CTXND2: variants seen among roughly 807,000 people sequenced by gnomAD.
CTXND2 encodes the protein cortexin domain containing 2.
chr1:150,902,894 G>A (rs868147684), intron 1 of CTXND2, among the ~76,000 whole-genome samples: 15 of 151,920 alleles, frequency 9.9e-5, no homozygotes, highest in African/African-American at 3.6e-4. Flanking sequence ...GAGTACAGAG[G>A]GAAAATACCA....
chr1:150,903,305 T>C (rs1669076001), intron 1 of CTXND2, among the ~76,000 whole-genome samples: 1 of 152,012 alleles, frequency 6.6e-6, no homozygotes, highest in African/African-American at 2.4e-5. Context: ...TATAAGTACT[T>C]TTGTGCATGA....
chr1:150,893,629 T>A (rs1668879207), intron 1 of CTXND2, among the ~76,000 whole-genome samples: 1 of 152,132 alleles, frequency 6.6e-6, no homozygotes, highest in South Asian at 2.1e-4. Flanking sequence ...TGGCTAATTT[T>A]TAAATTTTTT....
intron 1 of CTXND2, among the ~76,000 whole-genome samples, chr1:150,888,078 T>A (rs1230459062): frequency 1.3e-5 from 2 of 149,600 alleles, no homozygotes; most frequent in East Asian, 3.9e-4. Context: ...TTAAAAAAAA[T>A]TCTAAGACAG....
chr1:150,901,220 C>G (rs2102599314), intron 1 of CTXND2, among the ~76,000 whole-genome samples: 1 of 152,238 alleles, frequency 6.6e-6, no homozygotes, highest in East Asian at 1.9e-4. Flanking sequence ...TTGGAAGCTA[C>G]AAAACATTGT....
intron 1 of CTXND2, among the ~76,000 whole-genome samples, chr1:150,907,127 C>T (rs1294918927): frequency 1.3e-5 from 2 of 152,140 alleles, no homozygotes; most frequent in African/African-American, 4.8e-5. Flanking sequence ...ACTCTAAATC[C>T]TCTATAAGAT....
intron 1 of CTXND2, among the ~76,000 whole-genome samples, chr1:150,900,217 AG>A (rs1213127914): frequency 1.3e-5 from 2 of 152,102 alleles, no homozygotes; most frequent in Non-Finnish European, 2.9e-5. Flanking sequence ...GAAGGTCTGT[AG>A]CTTCACTCCT....
chr1:150,905,448 A>G (rs1669125392), intron 1 of CTXND2, among the ~76,000 whole-genome samples: 1 of 152,090 alleles, frequency 6.6e-6, no homozygotes, highest in South Asian at 2.1e-4. Flanking sequence ...ACCCGGCCTT[A>G]TCTGCCCATT....
At position 150,903,947 on chromosome 1, in the gene CTXND2, T is replaced by C. The variant is rs1669089950; in HGVS notation, c.-73-8295T>C. 7 of 649,430 alleles carry C rather than the reference T, an allele frequency of 1.1e-5. No individual in the cohort carries two copies. In the Admixed American group the frequency reaches 1.3e-4, roughly 12 times the overall value. The allele number at this position is 649,430 out of a possible 1,614,324, so 40.2% of individuals were successfully genotyped here. The stretch of plus-strand genomic sequence containing the variant: ...GATTTTTGTTCAGAAGTGTGCCCAG[T>C]GTCACACCGTGGAAAAGGGAGGCAA... On this transcript the variant is annotated intron_variant, in intron 1 of 1. Transcript: ENST00000636087.
At chr1:150,911,026 G>T (rs928268325) in intron 1 of CTXND2, among the ~76,000 whole-genome samples, 1 of 151,804 alleles carries the variant, frequency 6.6e-6, no homozygotes, top group Non-Finnish European at 1.5e-5. Flanking sequence ...GGATGGTCTC[G>T]ATCTCCTGAC....
exon 2 of CTXND2, chr1:150,913,190 C>T (rs1309374081): frequency 6.6e-6 from 1 of 152,214 alleles, no homozygotes; most frequent in East Asian, 1.9e-4. Context: ...TCCAATGACT[C>T]CCCTAGAGAT....
At chr1:150,900,847 C>G (rs587689347) in intron 1 of CTXND2, among the ~76,000 whole-genome samples, 3 of 152,196 alleles carry the variant, frequency 2.0e-5, no homozygotes, top group East Asian at 3.9e-4. Context: ...AAAAACAATT[C>G]GAGACTGGGC....
At position 150,901,280 on chromosome 1, in the gene CTXND2, C is replaced by T. The variant is rs12076678; in HGVS notation, c.-73-10962C>T. On this transcript the variant is annotated intron_variant, in intron 1 of 1. Transcript: ENST00000636087. ...CAAATGGAAAGATACACCATGTTCACGGATCAGAAGACTTAACATTGTTAA... is the reference window on the plus strand; with the variant it reads ...CAAATGGAAAGATACACCATGTTCATGGATCAGAAGACTTAACATTGTTAA... Among the ~76,000 whole-genome samples the T allele has an allele frequency of 2.2e-4, 33 of 152,162 alleles. 1 individual carries two copies. Among genetic ancestry groups the T allele is most frequent in the East Asian group, 9.6e-4 (5 of 5,206 alleles).
chr1:150,905,661 T>G (rs927078102), intron 1 of CTXND2, among the ~76,000 whole-genome samples: 3 of 152,034 alleles, frequency 2.0e-5, no homozygotes, highest in African/African-American at 7.2e-5. Context: ...CAATCGTATA[T>G]CCACCAACTC....
intron 1 of CTXND2, among the ~76,000 whole-genome samples, chr1:150,909,287 C>T (rs1669207765): frequency 6.7e-6 from 1 of 149,876 alleles, no homozygotes; most frequent in Non-Finnish European, 1.5e-5. Context: ...CACAGTAGCT[C>T]ATACAATCCT....
chr1:150,901,330 C>T (rs766856650), intron 1 of CTXND2, among the ~76,000 whole-genome samples: 2 of 152,136 alleles, frequency 1.3e-5, no homozygotes, highest in African/African-American at 4.8e-5. Flanking sequence ...CTAAATTGCT[C>T]TATAGATAGA....
chr1:150,899,252 T>C (rs1047915931), intron 1 of CTXND2, among the ~76,000 whole-genome samples: 2 of 151,954 alleles, frequency 1.3e-5, no homozygotes, highest in Admixed American at 6.6e-5. Flanking sequence ...CTGGGTAACA[T>C]AGCAAGACCC....
intron 1 of CTXND2, among the ~76,000 whole-genome samples, chr1:150,908,017 T>C (rs1199225834): frequency 4.6e-5 from 7 of 151,200 alleles, no homozygotes; most frequent in Admixed American, 2.0e-4. Flanking sequence ...CCAGCTTTTT[T>C]TTTTTTTTTT....
chr1:150,897,660 C>A (rs1045889118), intron 1 of CTXND2, among the ~76,000 whole-genome samples: 6 of 152,198 alleles, frequency 3.9e-5, no homozygotes, highest in African/African-American at 1.4e-4. Flanking sequence ...AGTGAGAAAT[C>A]ACTGCAATTT....
chr1:150,892,155 T>C (rs1668859404), intron 1 of CTXND2, among the ~76,000 whole-genome samples: 1 of 152,226 alleles, frequency 6.6e-6, no homozygotes, highest in Non-Finnish European at 1.5e-5. Flanking sequence ...AAACAAGATG[T>C]CCTTTTTGAG....
Sources: allele counts gnomAD v4.1 joint callset (sites outside exome capture counted in the v4.1 genomes callset), GRCh38; gene constraint gnomAD v4.1.1; transcripts MANE v1.5; gene names NCBI Gene and HGNC (gene_info 2026-07-23, HGNC 2026-07-21).